The following GPR39 variants were observed in gnomAD, a reference collection of about 807,000 sequenced individuals.
GPR39 encodes the protein zinc sensing receptor.
In GPR39, 23 loss-of-function variants were observed where a neutral mutation model predicts 18.4. The observed-to-expected ratio is 1.25, with a 90% CI of 0.90 to 1.77. The LOEUF is 1.77. GPR39 is among the 40% of genes most tolerant of loss of function. GPR39 has a pLI of 0.00. For synonymous variants in GPR39, 280 were observed against 257.9 expected (o/e 1.09, Z -0.82); for missense variants, 647 against 602.4 (o/e 1.07, Z -0.78).
At chr2:132,580,155 GTC>G (rs1680598427) in intron 1 of GPR39, among the ~76,000 whole-genome samples, 1 of 152,234 alleles carries the variant, frequency 6.6e-6, no homozygotes, top group Non-Finnish European at 1.5e-5. Context: ...GGTATGTAAA[GTC>G]TCTAATAGTT....
intron 1 of GPR39, among the ~76,000 whole-genome samples, chr2:132,426,158 A>C (rs909869871): frequency 3.3e-5 from 5 of 152,200 alleles, no homozygotes; most frequent in Non-Finnish European, 7.3e-5. Context: ...CTCACCTTCC[A>C]AGAATTGCCT....
intron 1 of GPR39, among the ~76,000 whole-genome samples, chr2:132,505,497 C>T (rs1468933189): frequency 6.6e-6 from 1 of 152,162 alleles, no homozygotes; most frequent in Non-Finnish European, 1.5e-5. Flanking sequence ...ACTTAGTCCA[C>T]CTATCTAACT....
intron 1 of GPR39, among the ~76,000 whole-genome samples, chr2:132,493,527 T>C (rs112666211): frequency 0.53 from 68,942 of 129,822 alleles, 19,978 homozygotes; most frequent in Non-Finnish European, 0.66. Context: ...TATATATATA[T>C]ACACACACCA....
At chr2:132,430,434 A>C (rs1251787446) in intron 1 of GPR39, among the ~76,000 whole-genome samples, 1 of 152,176 alleles carries the variant, frequency 6.6e-6, no homozygotes, top group Admixed American at 6.5e-5. Flanking sequence ...AGAGGCCACC[A>C]AACCGGATTC....
intron 1 of GPR39, among the ~76,000 whole-genome samples, chr2:132,473,846 T>A (rs530785260): frequency 6.6e-6 from 1 of 152,204 alleles, no homozygotes; most frequent in Non-Finnish European, 1.5e-5. Flanking sequence ...TTGCATCCAA[T>A]TTATCCAGGC....
intron 1 of GPR39, among the ~76,000 whole-genome samples, chr2:132,590,872 A>G (rs939217292): frequency 1.3e-5 from 2 of 151,452 alleles, no homozygotes; most frequent in African/African-American, 2.4e-5. Flanking sequence ...GGAGATTAAC[A>G]TTTGAATTGG....
intron 1 of GPR39, among the ~76,000 whole-genome samples, chr2:132,528,295 T>C (rs566952348): frequency 6.6e-6 from 1 of 152,250 alleles, no homozygotes; most frequent in African/African-American, 2.4e-5. Flanking sequence ...CTATATGTCT[T>C]TTTTGGTACA....
chr2:132,539,779 AG>A, intron 1 of GPR39, among the ~76,000 whole-genome samples: 1 of 152,250 alleles, frequency 6.6e-6, no homozygotes, highest in Admixed American at 6.5e-5. Context: ...CAGATAAGAC[AG>A]GGGAGGGGAA....
intron 1 of GPR39, among the ~76,000 whole-genome samples, chr2:132,513,211 C>A (rs12691823): frequency 6.6e-6 from 1 of 152,072 alleles, no homozygotes; most frequent in Non-Finnish European, 1.5e-5. Context: ...TGGCCTAGCC[C>A]CAGAAGTAGG....
chr2:132,614,328 T>C (rs1681293988), intron 1 of GPR39, among the ~76,000 whole-genome samples: 1 of 151,876 alleles, frequency 6.6e-6, no homozygotes, highest in Non-Finnish European at 1.5e-5. Flanking sequence ...TGCCTCGGCC[T>C]CTCAAGTAGC....
At chr2:132,429,490 G>A (rs1233503786) in intron 1 of GPR39, among the ~76,000 whole-genome samples, 2 of 152,222 alleles carry the variant, frequency 1.3e-5, no homozygotes, top group African/African-American at 4.8e-5. Context: ...TGCTTTCCCA[G>A]CATCCCTCAC....
At chr2:132,642,343 A>T (rs1178096901) in intron 1 of GPR39, among the ~76,000 whole-genome samples, 1 of 152,138 alleles carries the variant, frequency 6.6e-6, no homozygotes, top group East Asian at 1.9e-4. Flanking sequence ...ACTTGTTCAC[A>T]CTGAGCTTCT....
At chr2:132,582,438 G>A (rs1680640788) in intron 1 of GPR39, among the ~76,000 whole-genome samples, 1 of 152,200 alleles carries the variant, frequency 6.6e-6, no homozygotes, top group African/African-American at 2.4e-5. Flanking sequence ...CATGAAGCCT[G>A]CTCTCAGTGG....
chr2:132,619,145 C>T (rs1234352539), intron 1 of GPR39, among the ~76,000 whole-genome samples: 4 of 152,308 alleles, frequency 2.6e-5, no homozygotes, highest in South Asian at 2.1e-4. Context: ...CTTCTCCACC[C>T]GAGGCCAACC....
chr2:132,529,477 T>C (rs1679572505), intron 1 of GPR39, among the ~76,000 whole-genome samples: 1 of 152,220 alleles, frequency 6.6e-6, no homozygotes, highest in Non-Finnish European at 1.5e-5. Flanking sequence ...GACTTAAATG[T>C]CGCTGTCTGA....
intron 1 of GPR39, among the ~76,000 whole-genome samples, chr2:132,442,425 A>G (rs1381373882): frequency 6.6e-6 from 1 of 152,136 alleles, no homozygotes; most frequent in Non-Finnish European, 1.5e-5. Flanking sequence ...TTTCCTGTAA[A>G]GAGCACACAG....
intron 1 of GPR39, among the ~76,000 whole-genome samples, chr2:132,630,333 T>C (rs1036691574): frequency 1.3e-5 from 2 of 152,042 alleles, no homozygotes; most frequent in Non-Finnish European, 2.9e-5. Context: ...AAGTGAAACA[T>C]GAATAACAGT....
intron 1 of GPR39, among the ~76,000 whole-genome samples, chr2:132,564,814 T>C (rs1052497497): frequency 7.9e-5 from 10 of 126,256 alleles, no homozygotes; most frequent in Admixed American, 1.6e-4. Context: ...TTTTTTCTTT[T>C]TTTTTTTTTT....
intron 1 of GPR39, among the ~76,000 whole-genome samples, chr2:132,581,589 C>G (rs1340952212): frequency 6.6e-6 from 1 of 152,112 alleles, no homozygotes; most frequent in African/African-American, 2.4e-5. Context: ...AGGCACTGAA[C>G]CCCCATCCCC....
Sources: allele counts gnomAD v4.1 joint callset (sites outside exome capture counted in the v4.1 genomes callset), GRCh38; gene constraint gnomAD v4.1.1; transcripts MANE v1.5; gene names NCBI Gene and HGNC (gene_info 2026-07-23, HGNC 2026-07-21).